The following SCGB1C1 variants were observed in gnomAD, a reference collection of about 807,000 sequenced individuals.
The protein encoded by SCGB1C1 is secretoglobin family 1C member 1.
Under a neutral mutation model 8.9 loss-of-function variants are expected in SCGB1C1, and 2 were observed. That is an observed-to-expected ratio of 0.23 (90% CI 0.09 to 0.71). The LOEUF (loss-of-function observed/expected upper bound fraction) is 0.71, where lower values mean the gene tolerates loss of function less well. Among genes scored for constraint, SCGB1C1 ranks in the 30% least tolerant of loss-of-function variants. SCGB1C1 has a pLI of 0.78. For missense variants in SCGB1C1, 25 were observed against 112.7 expected (o/e 0.22, Z 3.52); for synonymous variants, 6 against 45.8 (o/e 0.13, Z 3.51).
chr11:189,734 G>A (rs1308128469), upstream of SCGB1C1, among the ~76,000 whole-genome samples: 1 of 152,246 alleles, frequency 6.6e-6, no homozygotes, highest in Admixed American at 6.5e-5. Context: ...TACAGGACCC[G>A]CTTGCCCGCG....
upstream of SCGB1C1, among the ~76,000 whole-genome samples, chr11:191,024 G>GAGATGC (rs547516087): frequency 1.4e-3 from 189 of 137,714 alleles, no homozygotes; most frequent in African/African-American, 4.8e-3. Context: ...TCCAGCACTA[G>GAGATGC]AGATGCTACT....
upstream of SCGB1C1, among the ~76,000 whole-genome samples, chr11:192,531 C>T (rs1395962605): frequency 6.8e-6 from 1 of 147,634 alleles, no homozygotes; most frequent in Non-Finnish European, 1.5e-5. Flanking sequence ...GGCACTGTCA[C>T]TGGGCTTCTC....
upstream of SCGB1C1, among the ~76,000 whole-genome samples, chr11:188,447 T>A (rs1159868926): frequency 6.6e-5 from 10 of 152,186 alleles, no homozygotes; most frequent in Admixed American, 1.3e-4. Context: ...TTAAAAATAT[T>A]GTTGATGGAA....
chr11:190,429 C>T (rs1473565947), upstream of SCGB1C1, among the ~76,000 whole-genome samples: 1 of 147,176 alleles, frequency 6.8e-6, no homozygotes, highest in Admixed American at 7.0e-5. Flanking sequence ...AACATTTTCA[C>T]CAAGAGGCAA....
upstream of SCGB1C1, among the ~76,000 whole-genome samples, chr11:188,275 T>C (rs1854711290): frequency 6.6e-6 from 1 of 152,042 alleles, no homozygotes. Context: ...AAAAAGCCAA[T>C]TAAGATCTGC....
chr11:189,772 C>T (rs1325606677), upstream of SCGB1C1, among the ~76,000 whole-genome samples: 4 of 152,102 alleles, frequency 2.6e-5, no homozygotes, highest in Admixed American at 2.0e-4. Context: ...CCCCTGCTAG[C>T]GACTAGGGCA....
rs772870145 is a variant in SCGB1C1, at chr11:193,916, G to A, written c.255+5G>A. On this transcript the variant is annotated splice_donor_5th_base_variant and intron_variant, in intron 2 of 2. Coordinates refer to ENST00000342878, the MANE Select transcript of SCGB1C1 (RefSeq NM_145651.3). ...GCGGAGCTGGTCAAGCTGCTGGTAT[G>A]AGGGCGGCGGGCACCCCATTTTCTA... 1.4e-6 allele frequency: 2 copies of A among 1,467,050 alleles called. No homozygotes were observed. Among genetic ancestry groups the A allele is most frequent in the Non-Finnish European group, 1.9e-6 (2 of 1,078,994 alleles). 90.9% of individuals were successfully genotyped at this position (1,467,050 alleles called of 1,614,324 possible).
At chr11:189,717 C>T (rs1854751914), upstream of SCGB1C1, among the ~76,000 whole-genome samples, 1 of 152,268 alleles carries the variant, frequency 6.6e-6, no homozygotes, top group South Asian at 2.1e-4. Context: ...TGCTTGCAGC[C>T]GGGCACTACA....
intron 2 of SCGB1C1, among the ~76,000 whole-genome samples, 166 bp from the exon 3 acceptor site, chr11:194,252 A>G (rs1474389656): frequency 7.1e-6 from 1 of 141,456 alleles, no homozygotes; most frequent in Non-Finnish European, 1.5e-5. Flanking sequence ...ACACACATAC[A>G]TGTGTGCACA....
upstream of SCGB1C1, among the ~76,000 whole-genome samples, chr11:191,545 A>T (rs1372847287): frequency 6.7e-6 from 1 of 148,484 alleles, no homozygotes; most frequent in Non-Finnish European, 1.5e-5. Flanking sequence ...CTAAACAATA[A>T]GTTAAACAGC....
upstream of SCGB1C1, among the ~76,000 whole-genome samples, chr11:192,141 C>T (rs1236310020): frequency 3.3e-5 from 5 of 149,912 alleles, no homozygotes; most frequent in South Asian, 4.3e-4. Context: ...ACCCTAAACG[C>T]GTGTGGCCCA....
chr11:189,441 AGGCGCACAGAGGCGCGGCGCGCG>A (rs1270686244), upstream of SCGB1C1, among the ~76,000 whole-genome samples: 1 of 141,800 alleles, frequency 7.1e-6, no homozygotes, highest in African/African-American at 2.6e-5. Context: ...GCGCCGGCGC[AGGCGCACAGAGGCGCGGCGCGCG>A]GGCGCCGGCG....
chr11:191,869 C>CCCCTAAG (rs1854817786), upstream of SCGB1C1, among the ~76,000 whole-genome samples: 1 of 8,136 alleles, frequency 1.2e-4, no homozygotes, highest in Non-Finnish European at 3.7e-4. Context: ...TAACCCCTAA[C>CCCCTAAG]CCTAACCCTA....
upstream of SCGB1C1, among the ~76,000 whole-genome samples, chr11:188,424 TAA>T (rs1359744305): frequency 6.6e-6 from 1 of 151,766 alleles, no homozygotes; most frequent in Non-Finnish European, 1.5e-5. Flanking sequence ...CAAAAAAAGC[TAA>T]AAAGTATATT....
chr11:193,062 C>T (rs183557881), upstream of SCGB1C1: 77 of 1,350,756 alleles, frequency 5.7e-5, 1 homozygote, highest in African/African-American at 5.9e-4. Flanking sequence ...CATAAAATCC[C>T]GGGATTCTGG....
chr11:191,652 G>C (rs1227699289), upstream of SCGB1C1, among the ~76,000 whole-genome samples: 5 of 151,294 alleles, frequency 3.3e-5, no homozygotes, highest in East Asian at 9.8e-4. Context: ...GGTTACAATT[G>C]AAAACCACAA....
upstream of SCGB1C1, among the ~76,000 whole-genome samples, chr11:190,769 C>G (rs868062933): frequency 1.3e-5 from 2 of 149,848 alleles, no homozygotes; most frequent in African/African-American, 5.1e-5. Context: ...ACACTGACAG[C>G]GATCACGTTT....
chr11:189,385 C>T (rs1161972619), upstream of SCGB1C1, among the ~76,000 whole-genome samples: 2 of 152,290 alleles, frequency 1.3e-5, no homozygotes. Flanking sequence ...ATGGTCGTGT[C>T]CTTAATCTTG....
chr11:189,624 G>C (rs1440918542), upstream of SCGB1C1, among the ~76,000 whole-genome samples: 1 of 152,048 alleles, frequency 6.6e-6, no homozygotes, highest in Non-Finnish European at 1.5e-5. Flanking sequence ...AGCGTTGTAG[G>C]CGCAGAGACG....
Sources: allele counts gnomAD v4.1 joint callset (sites outside exome capture counted in the v4.1 genomes callset), GRCh38; gene constraint gnomAD v4.1.1; transcripts MANE v1.5; gene names NCBI Gene and HGNC (gene_info 2026-07-23, HGNC 2026-07-21).